GPR158: variants seen among roughly 807,000 people sequenced by gnomAD.
The protein encoded by GPR158 is metabotropic glycine receptor.
A neutral mutation model predicts 78.2 loss-of-function variants in GPR158; 30 were observed. The ratio of observed to expected loss-of-function variants is 0.38; its 90% CI spans 0.29 to 0.52. The LOEUF is 0.52. GPR158 is among the 20% of genes least tolerant of loss of function. The pLI is 0.83. For synonymous variants in GPR158, 581 were observed against 591.1 expected (o/e 0.98, Z 0.25); for missense variants, 1,463 against 1,523.5 (o/e 0.96, Z 0.66).
chr10:25,182,479 A>T (rs1020424371), intron 1 of GPR158, among the ~76,000 whole-genome samples: 23 of 152,228 alleles, frequency 1.5e-4, no homozygotes, highest in African/African-American at 5.5e-4. Flanking sequence ...ATGGTACAGG[A>T]TTATCCTCCC....
At chr10:25,450,599 C>G (rs921614815) in intron 4 of GPR158, among the ~76,000 whole-genome samples, 1 of 151,986 alleles carries the variant, frequency 6.6e-6, no homozygotes, top group African/African-American at 2.4e-5. Flanking sequence ...TTAGAGATCT[C>G]TACTCTTGAT....
chr10:25,547,921 A>G lies in GPR158; in HGVS notation c.1405-3055A>G, dbSNP rs1396660152. Among the ~76,000 whole-genome samples the G allele has an allele frequency of 2.0e-5, 3 of 152,198 alleles. No homozygotes were observed. In the East Asian group the frequency reaches 5.8e-4, roughly 29 times the overall value. ...GTGTTGCCTAAATATTTAGTGAATC[A>G]TATTTATCACTTACCTGTAACATTC... On this transcript the variant is annotated intron_variant, in intron 5 of 10. Coordinates refer to ENST00000376351, the MANE Select transcript of GPR158 (RefSeq NM_020752.3).
Position 25,418,262 on chromosome 10 carries a change from A to C in GPR158, c.1335+5789A>C, listed in dbSNP as rs149950044. The stretch of plus-strand genomic sequence containing the variant: ...TTGAAAGAGATTTGTCCAGGCCCAA[A>C]ATATCAACTCAATAGTAATTAACTA... On this transcript the variant is annotated intron_variant, in intron 4 of 10. Transcript: ENST00000376351. 1.4e-3 allele frequency among the ~76,000 whole-genome samples: 220 copies of C among 152,350 alleles called. 1 individual carries two copies. Among genetic ancestry groups the C allele is most frequent in the African/African-American group, 4.9e-3 (203 of 41,582 alleles).
chr10:25,494,397 A>G (rs1445910338), intron 5 of GPR158, among the ~76,000 whole-genome samples: 1 of 152,218 alleles, frequency 6.6e-6, no homozygotes. Flanking sequence ...GTAAAGCTAT[A>G]TGAAGAAAAA....
intron 5 of GPR158, among the ~76,000 whole-genome samples, chr10:25,518,094 G>C (rs2130678314): frequency 1.0e-5 from 1 of 96,816 alleles, no homozygotes; most frequent in South Asian, 3.3e-4. Context: ...TCCTGGTTTA[G>C]TCTTGGGAGA....
chr10:25,198,875 A>G (rs1464209433), intron 1 of GPR158, among the ~76,000 whole-genome samples: 1 of 151,960 alleles, frequency 6.6e-6, no homozygotes, highest in Non-Finnish European at 1.5e-5. Context: ...TGGGGTTTAG[A>G]TAGGTTCTAT....
intron 3 of GPR158, among the ~76,000 whole-genome samples, chr10:25,410,633 T>C (rs1834570578): frequency 6.6e-6 from 1 of 151,956 alleles, no homozygotes; most frequent in Admixed American, 6.6e-5. Context: ...AATAAATAAA[T>C]AAATAACCTC....
chr10:25,256,481 G>C (rs1281892755), intron 2 of GPR158, among the ~76,000 whole-genome samples: 2 of 151,988 alleles, frequency 1.3e-5, no homozygotes, highest in East Asian at 3.9e-4. Flanking sequence ...GTAAGGCCCT[G>C]TCTCTACAAT....
intron 1 of GPR158, among the ~76,000 whole-genome samples, chr10:25,187,260 C>T (rs1228440462): frequency 1.3e-5 from 2 of 150,890 alleles, no homozygotes; most frequent in African/African-American, 4.9e-5. Flanking sequence ...CCACCGCGTC[C>T]GGCCCTCCCT....
At chr10:25,428,833 T>G (rs907472068) in intron 4 of GPR158, among the ~76,000 whole-genome samples, 1 of 152,092 alleles carries the variant, frequency 6.6e-6, no homozygotes, top group Non-Finnish European at 1.5e-5. Flanking sequence ...TGCATAACAG[T>G]TTATTTTCAT....
intron 4 of GPR158, among the ~76,000 whole-genome samples, chr10:25,418,475 A>G (rs761504606): frequency 3.9e-5 from 6 of 152,156 alleles, no homozygotes; most frequent in African/African-American, 7.2e-5. Flanking sequence ...TAAAGATGAA[A>G]TCTGTCAGTA....
intron 1 of GPR158, among the ~76,000 whole-genome samples, chr10:25,190,264 A>C (rs1385912371): frequency 6.6e-6 from 1 of 152,188 alleles, no homozygotes; most frequent in Non-Finnish European, 1.5e-5. Flanking sequence ...AGTTGTTCAG[A>C]ATTTGAACTT....
chr10:25,556,545 G>A (rs1306815956), intron 6 of GPR158, among the ~76,000 whole-genome samples: 1 of 152,044 alleles, frequency 6.6e-6, no homozygotes, highest in African/African-American at 2.4e-5. Flanking sequence ...CCTACTCTGG[G>A]GTGCAGAGTA....
intron 6 of GPR158, among the ~76,000 whole-genome samples, chr10:25,557,618 G>A (rs192643588): frequency 1.8e-4 from 28 of 152,278 alleles, no homozygotes. Flanking sequence ...TTTTTAACTG[G>A]GTTGGTATAT....
intron 5 of GPR158, among the ~76,000 whole-genome samples, chr10:25,501,924 C>T (rs771018039): frequency 6.6e-6 from 1 of 152,068 alleles, no homozygotes. Flanking sequence ...CACTGCTGTC[C>T]GTATGCTTGG....
chr10:25,595,874 A>T (rs1837398118), intron 9 of GPR158, among the ~76,000 whole-genome samples: 1 of 152,220 alleles, frequency 6.6e-6, no homozygotes, highest in Non-Finnish European at 1.5e-5. Flanking sequence ...AAAGTTATAA[A>T]TTTTATAGTA....
intron 2 of GPR158, among the ~76,000 whole-genome samples, chr10:25,345,661 T>C (rs2130511956): frequency 6.6e-6 from 1 of 152,118 alleles, no homozygotes; most frequent in Non-Finnish European, 1.5e-5. Flanking sequence ...TTATTAGCTA[T>C]AGTTCTCTGG....
intron 2 of GPR158, among the ~76,000 whole-genome samples, chr10:25,231,371 A>T (rs1853446022): frequency 6.6e-6 from 1 of 152,214 alleles, no homozygotes; most frequent in African/African-American, 2.4e-5. Context: ...AAAATAATCT[A>T]ATTTGCCTCT....
Position 25,442,784 on chromosome 10 carries a change from T to C in GPR158, c.1336-23867T>C, listed in dbSNP as rs540221332. The stretch of plus-strand genomic sequence containing the variant: ...TTACAGCGTCGAATCGATTCTCTTT[T>C]CTCCATCCCCACTGCTACCATTCCA... On this transcript the variant is annotated intron_variant, in intron 4 of 10. Transcript: ENST00000376351. Among the ~76,000 whole-genome samples, 285 of 152,150 alleles carry C rather than the reference T, an allele frequency of 1.9e-3. 1 individual carries two copies. Among genetic ancestry groups the C allele is most frequent in the African/African-American group, 6.5e-3 (268 of 41,532 alleles).
Sources: gnomAD v4.1 joint callset for allele counts (sites outside exome capture counted in the v4.1 genomes callset) on GRCh38, gnomAD v4.1.1 for gene constraint, MANE v1.5 for transcripts, NCBI Gene and HGNC (gene_info 2026-07-23, HGNC 2026-07-21) for gene names.